TECPR2: variants seen among roughly 807,000 people sequenced by gnomAD.
TECPR2 encodes the protein tectonin beta-propeller repeat-containing protein 2.
TECPR2 carries 65 observed loss-of-function variants against 138.1 expected under a neutral mutation model. The observed-to-expected ratio is 0.47, with a 90% CI of 0.39 to 0.58. The LOEUF is 0.58. TECPR2 is among the 20% of genes least tolerant of loss of function. The pLI, the probability that TECPR2 is intolerant of heterozygous loss-of-function variation, is 0.00. For synonymous variants in TECPR2, 746 were observed against 749.8 expected (o/e 0.99, Z 0.08); for missense variants, 1,553 against 1,824.5 (o/e 0.85, Z 2.71).
intron 17 of TECPR2, among the ~76,000 whole-genome samples, chr14:102,481,618 CAG>C (rs974925829): frequency 1.2e-4 from 19 of 152,294 alleles, no homozygotes; most frequent in African/African-American, 4.6e-4. Context: ...AGAAAGAAAA[CAG>C]AGTCACATGT....
intron 8 of TECPR2, among the ~76,000 whole-genome samples, chr14:102,433,274 T>C (rs903486335): frequency 1.3e-5 from 2 of 152,058 alleles, no homozygotes; most frequent in East Asian, 1.9e-4. Context: ...GAGCACAGTA[T>C]GCAGTAGGTG....
intron 2 of TECPR2, among the ~76,000 whole-genome samples, chr14:102,384,773 C>T (rs982858544): frequency 6.8e-6 from 1 of 147,574 alleles, no homozygotes; most frequent in East Asian, 2.0e-4. Context: ...ATATCTATAT[C>T]TCACATGGTC....
intron 8 of TECPR2, among the ~76,000 whole-genome samples, chr14:102,433,856 C>T (rs1317480384): frequency 6.6e-6 from 1 of 152,144 alleles, no homozygotes; most frequent in Non-Finnish European, 1.5e-5. Flanking sequence ...GGCTGTGTAA[C>T]ACTGAATTTT....
chr14:102,481,658 G>T (rs970232082), intron 17 of TECPR2, among the ~76,000 whole-genome samples: 1 of 152,126 alleles, frequency 6.6e-6, no homozygotes, highest in East Asian at 1.9e-4. Context: ...CATGTCAGTG[G>T]GTTCTATAAG....
intron 5 of TECPR2, among the ~76,000 whole-genome samples, chr14:102,418,747 A>T (rs1018910599): frequency 6.6e-6 from 1 of 152,028 alleles, no homozygotes; most frequent in Admixed American, 6.5e-5. Flanking sequence ...GCCAGCAAGG[A>T]TTCTGGGTGA....
chr14:102,372,901 C>T (rs1030625233), intron 1 of TECPR2, among the ~76,000 whole-genome samples: 5 of 151,702 alleles, frequency 3.3e-5, no homozygotes, highest in African/African-American at 7.3e-5. Context: ...GCATGGGCGA[C>T]GGAGCAAGTC....
chr14:102,388,877 C>T (rs1285638090), intron 2 of TECPR2, among the ~76,000 whole-genome samples: 15 of 149,572 alleles, frequency 1.0e-4, no homozygotes, highest in Non-Finnish European at 1.9e-4. Context: ...AGGAGAATGG[C>T]GTGAATCCAG....
At chr14:102,421,441 A>C (rs1225316145) in intron 5 of TECPR2, among the ~76,000 whole-genome samples, 3 of 152,260 alleles carry the variant, frequency 2.0e-5, no homozygotes, top group Middle Eastern at 6.8e-3. Flanking sequence ...ATCCAAAGGG[A>C]TTTAGTTACT....
chr14:102,407,295 G>C (rs549223397), intron 2 of TECPR2, 43 bp from the exon 3 acceptor site: 1 of 1,548,812 alleles, frequency 6.5e-7, no homozygotes, highest in Non-Finnish European at 8.7e-7. Context: ...CATTTTCAAA[G>C]CCTGCATAGT....
chr14:102,486,786 G>C (rs1365269962), intron 17 of TECPR2, among the ~76,000 whole-genome samples: 1 of 152,234 alleles, frequency 6.6e-6, no homozygotes, highest in Non-Finnish European at 1.5e-5. Context: ...CTCCTAGTGT[G>C]TCAGCCCTGG....
chr14:102,468,016 A>G (rs1452223045), intron 17 of TECPR2, among the ~76,000 whole-genome samples: 1 of 144,884 alleles, frequency 6.9e-6, no homozygotes, highest in African/African-American at 2.5e-5. Context: ...TTTTTTTTCC[A>G]TATTTTTTTA....
intron 4 of TECPR2, among the ~76,000 whole-genome samples, chr14:102,414,268 G>GT (rs1888961588): frequency 6.6e-6 from 1 of 152,076 alleles, no homozygotes; most frequent in Admixed American, 6.6e-5. Context: ...ACAGATTTCT[G>GT]TTTAGATCTT....
At chr14:102,431,392 G>A (rs1472727676) in intron 7 of TECPR2, among the ~76,000 whole-genome samples, 2 of 147,088 alleles carry the variant, frequency 1.4e-5, no homozygotes, top group African/African-American at 5.1e-5. Context: ...GCCCAGGCTG[G>A]AGTGCAGTGG....
At chr14:102,491,469 C>T (rs918275781) in intron 17 of TECPR2, among the ~76,000 whole-genome samples, 3 of 152,226 alleles carry the variant, frequency 2.0e-5, no homozygotes, top group African/African-American at 7.2e-5. Flanking sequence ...CCTCCTTAGT[C>T]TTCCAAAGTG....
intron 17 of TECPR2, among the ~76,000 whole-genome samples, chr14:102,487,613 C>T (rs1891058599): frequency 6.6e-6 from 1 of 152,186 alleles, no homozygotes; most frequent in African/African-American, 2.4e-5. Context: ...GCAATCTGGG[C>T]TCACTGCAAG....
At chr14:102,424,916 C>A in intron 5 of TECPR2, 63 bp from the exon 6 acceptor site, 1 of 1,469,052 alleles carries the variant, frequency 6.8e-7, no homozygotes, top group Non-Finnish European at 9.2e-7. Context: ...GGGTTGACAA[C>A]TGCATTACTT....
At position 102,501,334 on chromosome 14, in the gene TECPR2, T is replaced by C. The variant is rs1231288580; in HGVS notation, c.*3077T>C. The C allele has an allele frequency of 6.6e-6, 1 of 152,224 alleles. No homozygotes were observed. The highest frequency in any genetic ancestry group is 1.5e-5 in the Non-Finnish European group (1 of 68,044). 9.4% of individuals were successfully genotyped at this position (152,224 alleles called of 1,614,324 possible). A position where few individuals can be genotyped will look rare whatever the true frequency, so the allele number is the denominator to read the frequency against. On this transcript the variant is annotated 3_prime_UTR_variant, in exon 20 of 20. Coordinates refer to ENST00000359520, the MANE Select transcript of TECPR2 (RefSeq NM_014844.5). ...AAAGGCTTTCTAAACTCAAAAGTGATAGGACAAGCTACAGAGGAAAATAAG... is the reference window on the plus strand; with the variant it reads ...AAAGGCTTTCTAAACTCAAAAGTGACAGGACAAGCTACAGAGGAAAATAAG...
intron 17 of TECPR2, among the ~76,000 whole-genome samples, chr14:102,490,109 G>A (rs118054441): frequency 0.029 from 4,347 of 152,258 alleles, 80 homozygotes; most frequent in Middle Eastern, 0.092. Context: ...GATGAAAGCC[G>A]CACAGCAGGT....
Position 102,425,237 on chromosome 14 carries a change from C to T in TECPR2, c.897C>T (p.Gly299=), listed in dbSNP as rs1889284849. The T allele has an allele frequency of 6.2e-7, 1 of 1,613,526 alleles. No individual in the cohort carries two copies. Among genetic ancestry groups the T allele is most frequent in the Non-Finnish European group, 8.5e-7 (1 of 1,179,620 alleles). ...LGLVSCFFQE[G]WVLSWNEYSI... The stretch of plus-strand genomic sequence containing the variant: ...TTGTTTCATGTTTCTTTCAAGAAGG[C>T]TGGGTGCTGAGTTGGAATGAATATA... The change falls in exon 6 of 20, where the codon GGC becomes GGT. Residue 299 remains glycine (G), a synonymous_variant. Transcript: ENST00000359520.
Sources: allele counts gnomAD v4.1 joint callset (sites outside exome capture counted in the v4.1 genomes callset), GRCh38; gene constraint gnomAD v4.1.1; transcripts MANE v1.5; gene names NCBI Gene and HGNC (gene_info 2026-07-23, HGNC 2026-07-21).